The following NAV2 variants were observed in gnomAD, a reference collection of about 807,000 sequenced individuals.
NAV2 encodes neuron navigator 2.
NAV2 carries 54 observed loss-of-function variants against 223.2 expected under a neutral mutation model. The ratio of observed to expected loss-of-function variants is 0.24; its 90% CI spans 0.19 to 0.30. The LOEUF (loss-of-function observed/expected upper bound fraction) is 0.30. NAV2 is among the 10% of genes least tolerant of loss of function. The probability of loss-of-function intolerance (pLI) is 1.00; values close to 1 mark genes in which losing one functional copy is unlikely to be tolerated. For synonymous variants in NAV2, 1,279 were observed against 1,239.3 expected (o/e 1.03, Z -0.67); for missense variants, 2,806 against 3,147.5 (o/e 0.89, Z 2.60).
In NAV2 at chr11:19,434,592, C is replaced by T. The variant is rs1307102456; in HGVS notation, c.75+83565C>T. 2.0e-5 allele frequency among the ~76,000 whole-genome samples: 3 copies of T among 152,240 alleles called. No individual in the cohort carries two copies. In the East Asian group the frequency reaches 5.8e-4, roughly 29 times the overall value. On this transcript the variant is annotated intron_variant, in intron 1 of 37. Coordinates refer to the NAV2 transcript ENST00000360655. ...AGAATGAATACACAGTGATTTATCC[C>T]CAGCTTTGGGGCACATTTCTTTTTT...
chr11:20,043,179 G>A (rs1464729256), intron 12 of NAV2, among the ~76,000 whole-genome samples: 1 of 152,106 alleles, frequency 6.6e-6, no homozygotes, highest in Non-Finnish European at 1.5e-5. Context: ...AGCCACCCTT[G>A]CTCCCTTGCT....
intron 1 of NAV2, among the ~76,000 whole-genome samples, chr11:19,381,037 C>A (rs953951669): frequency 2.0e-5 from 3 of 152,206 alleles, no homozygotes; most frequent in Non-Finnish European, 4.4e-5. Context: ...TTTCTTGCCT[C>A]TTTGCCTATA....
chr11:20,043,598 C>T (rs2057157081), intron 12 of NAV2, among the ~76,000 whole-genome samples: 1 of 152,052 alleles, frequency 6.6e-6, no homozygotes, highest in Non-Finnish European at 1.5e-5. Flanking sequence ...TGTGCCACCA[C>T]ACTCAGCTAA....
intron 1 of NAV2, among the ~76,000 whole-genome samples, chr11:19,490,866 AAAT>A (rs1305377970): frequency 6.6e-6 from 1 of 152,200 alleles, no homozygotes; most frequent in Non-Finnish European, 1.5e-5. Flanking sequence ...TGTATTTTTG[AAAT>A]AATAAGGCTT....
intron 3 of NAV2, among the ~76,000 whole-genome samples, chr11:19,857,254 T>A (rs1245811697): frequency 6.6e-6 from 1 of 152,246 alleles, no homozygotes; most frequent in Non-Finnish European, 1.5e-5. Context: ...TATGGTGGCT[T>A]ATGGGTTTAA....
At chr11:20,100,549 GTGTGT>G (rs2061563928) in intron 31 of NAV2, among the ~76,000 whole-genome samples, 135 of 7,846 alleles carry the variant, frequency 0.017, no homozygotes, top group African/African-American at 0.035. Context: ...CTAGAGGGGT[GTGTGT>G]GTGTGTGTGT....
chr11:19,731,204 T>C (rs1038685730), intron 1 of NAV2, among the ~76,000 whole-genome samples: 3 of 152,142 alleles, frequency 2.0e-5, no homozygotes, highest in Non-Finnish European at 2.9e-5. Context: ...GTGCCCACCC[T>C]CCACCTCCCA....
At position 20,077,151 on chromosome 11, in the gene NAV2, A is replaced by G. The variant is rs1203206143; in HGVS notation, c.4984-401A>G. Among the ~76,000 whole-genome samples, 11 of 152,186 alleles carry G rather than the reference A, an allele frequency of 7.2e-5. 1 individual carries two copies. The South Asian group carries it at 8.3e-4, about 11-fold the overall frequency. On this transcript the variant is annotated intron_variant, in intron 22 of 37. Transcript: ENST00000349880. ...CATTACCAATTACAAGACTGCATGT[A>G]TTTTTAACTATGATATCTCAAAGTG...
chr11:19,590,384 G>A (rs1051467139), intron 1 of NAV2, among the ~76,000 whole-genome samples: 3 of 152,158 alleles, frequency 2.0e-5, no homozygotes, highest in Non-Finnish European at 4.4e-5. Context: ...GGAAGGTGGA[G>A]ACCCTGAGCC....
chr11:19,365,894 T>C (rs940196613), intron 1 of NAV2, among the ~76,000 whole-genome samples: 1 of 152,242 alleles, frequency 6.6e-6, no homozygotes, highest in Non-Finnish European at 1.5e-5. Flanking sequence ...GGACAAAGCC[T>C]TGTGCTTTGA....
At position 19,679,587 on chromosome 11, in the gene NAV2, AC is replaced by A. The variant is rs1291973131; in HGVS notation, c.76-152893del. Among the ~76,000 whole-genome samples the A allele has an allele frequency of 1.2e-4, 19 of 152,142 alleles. No homozygotes were observed. The South Asian group carries it at 1.5e-3, about 12-fold the overall frequency. On this transcript the variant is annotated intron_variant, in intron 1 of 37. Coordinates refer to the NAV2 transcript ENST00000360655. Reference sequence around the variant, plus strand: ...ATGATTCTATATCCTTCCCCTCTCTACCCCACCATCTCTTGACTCATTCCTA... The same window carrying A: ...ATGATTCTATATCCTTCCCCTCTCTACCCACCATCTCTTGACTCATTCCTA...
chr11:19,561,226 A>T (rs766126796), intron 1 of NAV2, among the ~76,000 whole-genome samples: 6 of 152,192 alleles, frequency 3.9e-5, no homozygotes, highest in Admixed American at 1.3e-4. Flanking sequence ...CATCAAAATG[A>T]TGACTAATTC....
chr11:20,065,522 G>T (rs975540445), intron 20 of NAV2, among the ~76,000 whole-genome samples: 8 of 152,252 alleles, frequency 5.3e-5, no homozygotes, highest in African/African-American at 1.9e-4. Flanking sequence ...TTGCTTTCTT[G>T]TTTGGTAGGG....
chr11:19,859,757 GCCGGGTGGGGGGCTGA>G (rs1217368712), intron 3 of NAV2, among the ~76,000 whole-genome samples: 1 of 150,798 alleles, frequency 6.6e-6, no homozygotes. Flanking sequence ...CGGGCGGCTG[GCCGGGTGGGGGGCTGA>G]CCCCCCCACC....
intron 1 of NAV2, among the ~76,000 whole-genome samples, chr11:19,787,958 A>G (rs2057258069): frequency 6.6e-6 from 1 of 152,188 alleles, no homozygotes; most frequent in African/African-American, 2.4e-5. Context: ...CTCCTCTCCA[A>G]AAGAACCTGG....
At chr11:19,994,364 T>C (rs1482014756) in intron 11 of NAV2, among the ~76,000 whole-genome samples, 1 of 152,014 alleles carries the variant, frequency 6.6e-6, no homozygotes, top group East Asian at 1.9e-4. Flanking sequence ...CTAGCCAACA[T>C]GGCAAAACCC....
At chr11:19,762,611 C>CTTTT (rs35264238) in intron 1 of NAV2, among the ~76,000 whole-genome samples, 17 of 109,530 alleles carry the variant, frequency 1.6e-4, no homozygotes, top group Middle Eastern at 5.1e-3. Flanking sequence ...GAGAAGTCTT[C>CTTTT]TTTTTTTTTT....
intron 24 of NAV2, 43 bp from the exon 25 acceptor site, chr11:20,080,021 G>T: frequency 3.1e-6 from 5 of 1,606,956 alleles, no homozygotes; most frequent in Non-Finnish European, 3.4e-6. Context: ...AAAGAATAGG[G>T]CTCAGGTTGG....
At chr11:19,365,247 C>A (rs1257594708) in intron 1 of NAV2, among the ~76,000 whole-genome samples, 1 of 152,216 alleles carries the variant, frequency 6.6e-6, no homozygotes, top group Non-Finnish European at 1.5e-5. Context: ...AGTCACTATT[C>A]AAGATTCATC....
Sources: allele counts gnomAD v4.1 joint callset (sites outside exome capture counted in the v4.1 genomes callset), GRCh38; gene constraint gnomAD v4.1.1; transcripts MANE v1.5; gene names NCBI Gene and HGNC (gene_info 2026-07-23, HGNC 2026-07-21).